The following KCNK2 variants were observed in gnomAD, a reference collection of about 807,000 sequenced individuals.
KCNK2 encodes the protein potassium two pore domain channel subfamily K member 2, also known as potassium channel subfamily K member 2.
A neutral mutation model predicts 40.5 loss-of-function variants in KCNK2; 21 were observed. That is an observed-to-expected ratio of 0.52 (90% CI 0.37 to 0.75). KCNK2 has a LOEUF of 0.75. KCNK2 is among the 30% of genes least tolerant of loss of function. The pLI is 0.00. For missense variants in KCNK2, 399 were observed against 531.6 expected, an observed-to-expected ratio of 0.75 and a Z score of 2.45; for synonymous variants, 191 against 202.2, an observed-to-expected ratio of 0.94 and a Z score of 0.47.
intron 1 of KCNK2, among the ~76,000 whole-genome samples, chr1:215,032,705 C>A (rs1657247171): frequency 6.6e-6 from 1 of 152,122 alleles, no homozygotes; most frequent in South Asian, 2.1e-4. Flanking sequence ...TTTCACTCCA[C>A]TTTCTTCTTG....
chr1:215,069,254 C>T, intron 1 of KCNK2, among the ~76,000 whole-genome samples: 1 of 152,176 alleles, frequency 6.6e-6, no homozygotes, highest in South Asian at 2.1e-4. Context: ...TTGGCCGCAT[C>T]CTGGTAAGGA....
intron 6 of KCNK2, among the ~76,000 whole-genome samples, chr1:215,208,402 T>C (rs1665409239): frequency 6.6e-6 from 1 of 152,092 alleles, no homozygotes; most frequent in South Asian, 2.1e-4. Context: ...AATTATTGGG[T>C]ACCGGGCTTA....
At chr1:215,097,760 C>A in intron 2 of KCNK2, among the ~76,000 whole-genome samples, 1 of 152,000 alleles carries the variant, frequency 6.6e-6, no homozygotes, top group East Asian at 1.9e-4. Context: ...GTTTATATTT[C>A]CTTGTGGTCC....
chr1:215,231,133 T>G (rs571808413), intron 6 of KCNK2, among the ~76,000 whole-genome samples: 1 of 152,250 alleles, frequency 6.6e-6, no homozygotes, highest in African/African-American at 2.4e-5. Flanking sequence ...CTAAGAAAGG[T>G]TTTCATTCTT....
At chr1:215,198,576 C>A (rs1316921703) in intron 6 of KCNK2, among the ~76,000 whole-genome samples, 1 of 152,124 alleles carries the variant, frequency 6.6e-6, no homozygotes, top group African/African-American at 2.4e-5. Context: ...TAAAAGCCAA[C>A]TAAATATATT....
intron 1 of KCNK2, among the ~76,000 whole-genome samples, chr1:215,007,033 ATATATGTGTGTGTGTG>A (rs1412692808): frequency 8.3e-5 from 5 of 60,320 alleles, no homozygotes; most frequent in South Asian, 4.0e-4. Flanking sequence ...ATATATATAT[ATATATGTGTGTGTGTG>A]TATATATATA....
In KCNK2 at chr1:215,236,045, A is replaced by AATCT. The variant is rs1553277248; in HGVS notation, c.*950_*953dup. 9,890 of 144,226 alleles carry AATCT rather than the reference A, an allele frequency of 0.069. 365 individuals carry two copies. The highest frequency in any genetic ancestry group is 0.13 in the South Asian group (593 of 4,596). 8.9% of individuals were successfully genotyped at this position (144,226 alleles called of 1,614,324 possible). On this transcript the variant is annotated 3_prime_UTR_variant, in exon 7 of 7. Coordinates refer to ENST00000444842, the MANE Select transcript of KCNK2 (RefSeq NM_001017425.3). ...TACATTTTTAAAGGCAGAAGAAGAAAATCTATCTATCTATCTATCTATCTA... is the reference window on the plus strand; with the variant it reads ...TACATTTTTAAAGGCAGAAGAAGAAAATCTATCTATCTATCTATCTATCTATCTA...
intron 6 of KCNK2, among the ~76,000 whole-genome samples, chr1:215,231,916 G>A (rs760110291): frequency 4.3e-4 from 65 of 152,132 alleles, no homozygotes; most frequent in Non-Finnish European, 4.4e-4. Context: ...CAGATCTCAT[G>A]AGACTAATTC....
chr1:215,207,008 C>T (rs1270718569), intron 6 of KCNK2, among the ~76,000 whole-genome samples: 1 of 152,250 alleles, frequency 6.6e-6, no homozygotes, highest in East Asian at 1.9e-4. Context: ...CTCTGCTTAC[C>T]GCTCCAGACA....
intron 2 of KCNK2, among the ~76,000 whole-genome samples, chr1:215,088,776 G>A (rs1659568886): frequency 6.6e-6 from 1 of 152,152 alleles, no homozygotes; most frequent in African/African-American, 2.4e-5. Flanking sequence ...ATGGAAACAA[G>A]CAGAAATCAA....
At chr1:215,105,505 T>C (rs2102555913) in intron 2 of KCNK2, among the ~76,000 whole-genome samples, 1 of 152,282 alleles carries the variant, frequency 6.6e-6, no homozygotes, top group Non-Finnish European at 1.5e-5. Context: ...TCTTGGCTAG[T>C]GTGAATAATG....
At chr1:215,024,756 A>G (rs1191647635) in intron 1 of KCNK2, among the ~76,000 whole-genome samples, 6 of 148,316 alleles carry the variant, frequency 4.0e-5, no homozygotes, top group African/African-American at 1.3e-4. Context: ...GTAGGAGACT[A>G]TCTAGGTACT....
At chr1:215,096,477 A>C (rs922935790) in intron 2 of KCNK2, among the ~76,000 whole-genome samples, 1 of 152,002 alleles carries the variant, frequency 6.6e-6, no homozygotes, top group African/African-American at 2.4e-5. Flanking sequence ...TCAAACATTT[A>C]TGATTTCATA....
In KCNK2 at chr1:215,082,900, G is replaced by A. The variant is rs1182705227; in HGVS notation, c.-486G>A. Among the ~76,000 whole-genome samples the A allele has an allele frequency of 6.6e-6, 1 of 151,486 alleles. No individual in the cohort carries two copies. Among genetic ancestry groups the A allele is most frequent in the Non-Finnish European group, 1.5e-5 (1 of 67,862 alleles). On this transcript the variant is annotated 5_prime_UTR_variant, in exon 1 of 7. Transcript: ENST00000444842. The stretch of plus-strand genomic sequence containing the variant: ...TGCGAAGAGGGGCTGAACGAGGCTC[G>A]CGCACAAAGACGCCGGGGCGCACGG...
chr1:215,133,414 T>C (rs1661759912), intron 3 of KCNK2, among the ~76,000 whole-genome samples: 1 of 152,204 alleles, frequency 6.6e-6, no homozygotes, highest in Non-Finnish European at 1.5e-5. Flanking sequence ...CTGTTCATTC[T>C]AGATTATAGA....
At chr1:215,011,533 CT>C (rs1296695810) in intron 1 of KCNK2, among the ~76,000 whole-genome samples, 1 of 152,152 alleles carries the variant, frequency 6.6e-6, no homozygotes. Context: ...ACTCAAGAAT[CT>C]ACCTGCCTCA....
chr1:215,110,366 A>G (rs1471337999), intron 2 of KCNK2, among the ~76,000 whole-genome samples: 8 of 151,802 alleles, frequency 5.3e-5, no homozygotes, highest in South Asian at 2.1e-4. Context: ...TAAGTCTTTA[A>G]CCCCTCTTGA....
intron 6 of KCNK2, among the ~76,000 whole-genome samples, chr1:215,222,688 G>A (rs2102701851): frequency 6.6e-6 from 1 of 150,688 alleles, no homozygotes; most frequent in African/African-American, 2.4e-5. Flanking sequence ...AAAACATCAT[G>A]TACTGTTCTG....
At chr1:215,197,356 G>T (rs1664906977) in intron 6 of KCNK2, among the ~76,000 whole-genome samples, 1 of 152,264 alleles carries the variant, frequency 6.6e-6, no homozygotes, top group African/African-American at 2.4e-5. Flanking sequence ...GAAGGTGCTA[G>T]CAGGGTTGGT....
Sources: gnomAD v4.1 joint callset for allele counts (sites outside exome capture counted in the v4.1 genomes callset) on GRCh38, gnomAD v4.1.1 for gene constraint, MANE v1.5 for transcripts, NCBI Gene and HGNC (gene_info 2026-07-23, HGNC 2026-07-21) for gene names.